ADAMTSL1: variants seen among roughly 807,000 people sequenced by gnomAD.
ADAMTSL1 encodes the protein ADAMTS like 1, also known as ADAMTS-like protein 1.
Under a neutral mutation model 201.8 loss-of-function variants are expected in ADAMTSL1, and 126 were observed. The ratio of observed to expected loss-of-function variants is 0.62; its 90% CI spans 0.54 to 0.72. The LOEUF is 0.72. ADAMTSL1 is among the 30% of genes least tolerant of loss of function. The pLI is 0.00. For synonymous variants in ADAMTSL1, 1,121 were observed against 903.4 expected (o/e 1.24, Z -4.32); for missense variants, 2,679 against 2,277.8 (o/e 1.18, Z -3.59).
At chr9:18,768,845 C>T (rs549053821) in intron 16 of ADAMTSL1, among the ~76,000 whole-genome samples, 2 of 152,270 alleles carry the variant, frequency 1.3e-5, no homozygotes, top group East Asian at 3.9e-4. Context: ...TTTTCCTTTC[C>T]ATGTTTATTA....
At chr9:18,825,368 T>C (rs756292103) in intron 21 of ADAMTSL1, among the ~76,000 whole-genome samples, 54 of 152,246 alleles carry the variant, frequency 3.5e-4, no homozygotes, top group South Asian at 6.2e-4. Flanking sequence ...GAAAATAAAC[T>C]TGGATTGTGG....
chr9:18,364,961 C>A (rs988425892), intron 2 of ADAMTSL1, among the ~76,000 whole-genome samples: 4 of 152,132 alleles, frequency 2.6e-5, no homozygotes, highest in Admixed American at 2.0e-4. Flanking sequence ...AACCTCCCAC[C>A]AGGCCCCACC....
chr9:18,521,960 C>T (rs1312062624), intron 2 of ADAMTSL1, among the ~76,000 whole-genome samples: 1 of 152,132 alleles, frequency 6.6e-6, no homozygotes, highest in African/African-American at 2.4e-5. Context: ...GACTCCAGTT[C>T]TAGTCCCTGG....
intron 1 of ADAMTSL1, among the ~76,000 whole-genome samples, chr9:18,126,928 G>T (rs1178488838): frequency 6.6e-6 from 1 of 152,128 alleles, no homozygotes; most frequent in Admixed American, 6.5e-5. Context: ...GTTTATCATC[G>T]GTGGTAAGCA....
intron 1 of ADAMTSL1, among the ~76,000 whole-genome samples, chr9:18,148,348 A>AAC (rs1826749282): frequency 2.0e-5 from 3 of 151,882 alleles, no homozygotes; most frequent in Admixed American, 2.0e-4. Context: ...CCAAAAAAAA[A>AAC]AAAACATGGA....
intron 1 of ADAMTSL1, among the ~76,000 whole-genome samples, chr9:18,102,874 G>T (rs1312415787): frequency 1.3e-5 from 2 of 152,186 alleles, no homozygotes; most frequent in African/African-American, 4.8e-5. Context: ...ATCAGAGCTA[G>T]AAGATGATTC....
chr9:18,688,677 A>T (rs1416123903), intron 13 of ADAMTSL1, among the ~76,000 whole-genome samples: 20 of 29,064 alleles, frequency 6.9e-4, no homozygotes, highest in African/African-American at 1.5e-3. Context: ...AAAAAAAAAA[A>T]AAAAAAAAAA....
intron 1 of ADAMTSL1, among the ~76,000 whole-genome samples, chr9:17,942,521 C>T (rs1319329727): frequency 6.6e-6 from 1 of 152,146 alleles, no homozygotes; most frequent in Non-Finnish European, 1.5e-5. Context: ...GGAACTGGTA[C>T]TTTGTTATAG....
intron 12 of ADAMTSL1, among the ~76,000 whole-genome samples, chr9:18,683,304 A>T (rs943581080): frequency 1.3e-5 from 2 of 149,222 alleles, no homozygotes; most frequent in African/African-American, 4.9e-5. Flanking sequence ...GGCTCACTGC[A>T]ACCTCTGCCT....
chr9:18,646,889 T>C (rs1827848810), intron 7 of ADAMTSL1, among the ~76,000 whole-genome samples: 2 of 152,184 alleles, frequency 1.3e-5, no homozygotes, highest in South Asian at 4.1e-4. Flanking sequence ...GGTATCAGGA[T>C]GATGCAGGCC....
intron 2 of ADAMTSL1, among the ~76,000 whole-genome samples, chr9:18,418,755 A>G (rs1015104203): frequency 6.6e-6 from 1 of 152,220 alleles, no homozygotes; most frequent in East Asian, 1.9e-4. Flanking sequence ...CATAGTAATG[A>G]TGTTAATTCC....
intron 1 of ADAMTSL1, among the ~76,000 whole-genome samples, chr9:18,009,694 TTAAC>T (rs1184892366): frequency 6.6e-6 from 1 of 152,008 alleles, no homozygotes; most frequent in Admixed American, 6.6e-5. Context: ...AGCTGAAAAT[TTAAC>T]TAGCCACACA....
At chr9:18,272,225 A>G (rs1269579107) in intron 2 of ADAMTSL1, among the ~76,000 whole-genome samples, 1 of 152,156 alleles carries the variant, frequency 6.6e-6, no homozygotes, top group Non-Finnish European at 1.5e-5. Context: ...GGCTACAGTA[A>G]CCAAAACAGC....
chr9:18,764,191 C>T (rs185587875), intron 16 of ADAMTSL1, among the ~76,000 whole-genome samples: 2 of 152,198 alleles, frequency 1.3e-5, no homozygotes, highest in African/African-American at 4.8e-5. Context: ...TTAAACTTTT[C>T]ATTATAGGGA....
At chr9:18,043,836 T>C (rs1318356307) in intron 1 of ADAMTSL1, among the ~76,000 whole-genome samples, 2 of 151,830 alleles carry the variant, frequency 1.3e-5, no homozygotes, top group Non-Finnish European at 1.5e-5. Flanking sequence ...GGAAGGAATG[T>C]ACTTTAGATA....
At chr9:18,257,006 G>A (rs1831714309) in intron 2 of ADAMTSL1, among the ~76,000 whole-genome samples, 1 of 152,102 alleles carries the variant, frequency 6.6e-6, no homozygotes. Flanking sequence ...AGTGGTTTTT[G>A]TTCATTAAAA....
chr9:18,235,989 T>G (rs941829487), intron 2 of ADAMTSL1, among the ~76,000 whole-genome samples: 3 of 152,214 alleles, frequency 2.0e-5, no homozygotes, highest in Non-Finnish European at 4.4e-5. Flanking sequence ...AGGTTACTGT[T>G]CTTAGAAGTT....
At chr9:18,243,746 A>G (rs1008511704) in intron 2 of ADAMTSL1, among the ~76,000 whole-genome samples, 1 of 152,058 alleles carries the variant, frequency 6.6e-6, no homozygotes, top group African/African-American at 2.4e-5. Context: ...TCTTCTGTCC[A>G]CAGACCCAGG....
chr9:18,647,379 C>T lies in ADAMTSL1; in HGVS notation c.834+7968C>T, dbSNP rs567445627. Among the ~76,000 whole-genome samples, 23 of 150,966 alleles carry T rather than the reference C, an allele frequency of 1.5e-4. No individual in the cohort carries two copies. In the South Asian group the frequency reaches 3.1e-3, roughly 21 times the overall value. On this transcript the variant is annotated intron_variant, in intron 7 of 28. Coordinates refer to ENST00000380548, the MANE Select transcript of ADAMTSL1 (RefSeq NM_001040272.6). ...ATTTTTTGAAGGGTTTTTTTTCCCC[C>T]ATTTCCTTCAGTTCTGCTCTGATTT...
Sources: allele counts gnomAD v4.1 joint callset (sites outside exome capture counted in the v4.1 genomes callset), GRCh38; gene constraint gnomAD v4.1.1; transcripts MANE v1.5; gene names NCBI Gene and HGNC (gene_info 2026-07-23, HGNC 2026-07-21).